The following C5orf46 variants were observed in gnomAD, a reference collection of about 807,000 sequenced individuals.
C5orf46 encodes chromosome 5 open reading frame 46.
C5orf46 carries 9 observed loss-of-function variants against 8.9 expected under a neutral mutation model. The observed-to-expected ratio is 1.01, with a 90% CI of 0.61 to 1.76. The LOEUF is 1.76. C5orf46 is among the 40% of genes most tolerant of loss of function. The pLI, the probability that C5orf46 is intolerant of heterozygous loss-of-function variation, is 0.00. For missense variants in C5orf46, 98 were observed against 107.8 expected, an observed-to-expected ratio of 0.91 and a Z score of 0.40; for synonymous variants, 47 against 41.4, an observed-to-expected ratio of 1.14 and a Z score of -0.52.
At chr5:147,888,836 A>T (rs914492113), downstream of C5orf46, among the ~76,000 whole-genome samples, 2 of 152,162 alleles carry the variant, frequency 1.3e-5, no homozygotes, top group African/African-American at 4.8e-5. Flanking sequence ...GAGTATATGC[A>T]TATGTTTAAA....
chr5:147,891,094 A>C (rs1291622770), downstream of C5orf46, among the ~76,000 whole-genome samples: 1 of 152,166 alleles, frequency 6.6e-6, no homozygotes, highest in Non-Finnish European at 1.5e-5. Context: ...AGTTAGACAC[A>C]CTTGGCTGGA....
At chr5:147,893,204 G>T (rs1332335333) in intron 3 of C5orf46, among the ~76,000 whole-genome samples, 1 of 151,468 alleles carries the variant, frequency 6.6e-6, no homozygotes, top group African/African-American at 2.4e-5. Flanking sequence ...AACTCCTAAG[G>T]ATAAGTTGAG....
chr5:147,893,743 T>C (rs1247133732), intron 3 of C5orf46, among the ~76,000 whole-genome samples: 2 of 152,070 alleles, frequency 1.3e-5, no homozygotes, highest in Non-Finnish European at 2.9e-5. Flanking sequence ...TGTTTCTCCA[T>C]GTTGGTCAGG....
rs1392353040 is a variant in C5orf46 at position 147,897,866 on chromosome 5, C to G, written c.216-825G>C. 2.0e-5 allele frequency among the ~76,000 whole-genome samples: 3 copies of G among 152,074 alleles called. No individual in the cohort carries two copies. The South Asian group carries it at 6.2e-4, about 31-fold the overall frequency. ...TCAGCAGAGGGAAAAATCACACGCACAGATATTGGGGGTTTATACAAACAT... is the reference window on the plus strand; with the variant it reads ...TCAGCAGAGGGAAAAATCACACGCAGAGATATTGGGGGTTTATACAAACAT... On this transcript the variant is annotated intron_variant, in intron 2 of 3. Transcript: ENST00000318315.
Position 147,897,862 on chromosome 5 carries a change from C to T in C5orf46, c.216-821G>A, listed in dbSNP as rs115208280. Among the ~76,000 whole-genome samples the T allele has an allele frequency of 3.9e-3, 601 of 152,154 alleles. 5 individuals carry two copies. The highest frequency in any genetic ancestry group is 0.014 in the African/African-American group (570 of 41,512). The stretch of plus-strand genomic sequence containing the variant: ...ATTTTCAGCAGAGGGAAAAATCACA[C>T]GCACAGATATTGGGGGTTTATACAA... On this transcript the variant is annotated intron_variant, in intron 2 of 3. Transcript: ENST00000318315.
At chr5:147,888,305 A>C (rs1373528665), downstream of C5orf46, among the ~76,000 whole-genome samples, 1 of 152,162 alleles carries the variant, frequency 6.6e-6, no homozygotes, top group Non-Finnish European at 1.5e-5. Context: ...AGCCTGCACA[A>C]CAGCCAACTG....
At chr5:147,888,933 A>C (rs1239977276), downstream of C5orf46, among the ~76,000 whole-genome samples, 2 of 152,138 alleles carry the variant, frequency 1.3e-5, no homozygotes, top group African/African-American at 4.8e-5. Context: ...GAGTCCATAA[A>C]GTGTCCATTT....
At chr5:147,905,241 T>C (rs781106922) in intron 1 of C5orf46, among the ~76,000 whole-genome samples, 25 of 152,216 alleles carry the variant, frequency 1.6e-4, no homozygotes, top group Admixed American at 2.0e-4. Context: ...GTATTGCTGA[T>C]ATTTGTAGAG....
intron 2 of C5orf46, among the ~76,000 whole-genome samples, chr5:147,900,896 G>A (rs942023921): frequency 6.6e-6 from 1 of 152,184 alleles, no homozygotes; most frequent in Non-Finnish European, 1.5e-5. Context: ...ATACAGTGTA[G>A]TAGTGTCAAA....
At chr5:147,891,426 C>A (rs749454004), downstream of C5orf46, among the ~76,000 whole-genome samples, 3 of 152,138 alleles carry the variant, frequency 2.0e-5, no homozygotes, top group Admixed American at 6.6e-5. Flanking sequence ...GGGAAATCTT[C>A]AAAATCTCTA....
intron 2 of C5orf46, chr5:147,886,270 A>G (rs975440163): frequency 4.6e-5 from 7 of 152,136 alleles, no homozygotes; most frequent in South Asian, 2.1e-4. Flanking sequence ...ACCTGTATCA[A>G]TGTCAGCATA....
chr5:147,890,357 T>A (rs968592484), downstream of C5orf46, among the ~76,000 whole-genome samples: 1 of 152,152 alleles, frequency 6.6e-6, no homozygotes, highest in Non-Finnish European at 1.5e-5. Flanking sequence ...TGCTCTCTGC[T>A]AGACACTGTT....
chr5:147,901,863 C>G (rs1757677156), intron 1 of C5orf46, 90 bp from the exon 2 acceptor site: 1 of 1,411,420 alleles, frequency 7.1e-7, no homozygotes, highest in Non-Finnish European at 9.6e-7. Flanking sequence ...TTCTTTCTGA[C>G]CCACTCACAA....
intron 3 of C5orf46, among the ~76,000 whole-genome samples, 172 bp downstream of exon 3, chr5:147,896,812 T>C (rs1757587241): frequency 6.6e-6 from 1 of 152,184 alleles, no homozygotes; most frequent in African/African-American, 2.4e-5. Flanking sequence ...GAAAATTTTA[T>C]TATTAGAAAC....
chr5:147,899,666 ATAT>A (rs1398746839), intron 2 of C5orf46, among the ~76,000 whole-genome samples: 5 of 152,212 alleles, frequency 3.3e-5, no homozygotes, highest in African/African-American at 1.2e-4. Flanking sequence ...ATGGTAACAA[ATAT>A]TATGACACTG....
chr5:147,900,507 A>C (rs1264927472), intron 2 of C5orf46, among the ~76,000 whole-genome samples: 2 of 152,240 alleles, frequency 1.3e-5, no homozygotes, highest in Non-Finnish European at 2.9e-5. Flanking sequence ...ACAAAATATT[A>C]ATAAAAATGT....
At chr5:147,887,075 A>G (rs1757430827) in intron 2 of C5orf46, 1 of 152,124 alleles carries the variant, frequency 6.6e-6, no homozygotes. Context: ...AAGCCATGCA[A>G]GGTATGAATT....
chr5:147,888,826 G>A (rs1580979157), downstream of C5orf46, among the ~76,000 whole-genome samples: 1 of 152,236 alleles, frequency 6.6e-6, no homozygotes, highest in East Asian at 1.9e-4. Context: ...GTGGTTTTGG[G>A]AGTATATGCA....
intron 2 of C5orf46, chr5:147,887,194 C>T (rs4551056): frequency 0.16 from 24,554 of 151,996 alleles, 2,178 homozygotes; most frequent in Admixed American, 0.28. Context: ...ATGAAGAGCT[C>T]GCAGGCTATT....
Sources: gnomAD v4.1 joint callset for allele counts (sites outside exome capture counted in the v4.1 genomes callset) on GRCh38, gnomAD v4.1.1 for gene constraint, MANE v1.5 for transcripts, NCBI Gene and HGNC (gene_info 2026-07-23, HGNC 2026-07-21) for gene names.